Variants in MAF observed in about 807,000 individuals in gnomAD.
MAF encodes the protein MAF bZIP transcription factor.
A neutral mutation model predicts 22.0 loss-of-function variants in MAF; 10 were observed. That is an observed-to-expected ratio of 0.45 (90% CI 0.28 to 0.77). The LOEUF (loss-of-function observed/expected upper bound fraction) is 0.77. Ranked by LOEUF, MAF falls within the 30% of genes least tolerant of loss-of-function variation. The pLI is 0.12. For missense variants in MAF, 544 were observed against 548.4 expected (o/e 0.99, Z 0.08); for synonymous variants, 337 against 255.8 (o/e 1.32, Z -3.03).
At chr16:79,277,907 G>A in the MAF span, among the ~76,000 whole-genome samples, 1 of 152,254 alleles carries the variant, frequency 6.6e-6, no homozygotes, top group South Asian at 2.1e-4. Flanking sequence ...ACTACACTTG[G>A]GAATTGGCTG....
the MAF span, among the ~76,000 whole-genome samples, chr16:79,412,101 G>C: frequency 6.6e-6 from 1 of 152,142 alleles, no homozygotes; most frequent in South Asian, 2.1e-4. Flanking sequence ...AAATATATGA[G>C]GATAGTCTCA....
At chr16:79,547,895 T>A in the MAF span, among the ~76,000 whole-genome samples, 1,443 of 47,658 alleles carry the variant, frequency 0.03, 28 homozygotes, top group African/African-American at 0.089. Flanking sequence ...TGTGTGTGTG[T>A]GTGTGTGAGA....
the MAF span, among the ~76,000 whole-genome samples, chr16:79,521,130 T>A: frequency 6.6e-6 from 1 of 152,206 alleles, no homozygotes; most frequent in Non-Finnish European, 1.5e-5. Flanking sequence ...TAGACGTTGT[T>A]GAGGAGGGCA....
chr16:79,480,190 G>T, the MAF span, among the ~76,000 whole-genome samples: 1 of 152,072 alleles, frequency 6.6e-6, no homozygotes, highest in Non-Finnish European at 1.5e-5. Flanking sequence ...GTATCCACTC[G>T]TTGGAGCTAG....
the MAF span, among the ~76,000 whole-genome samples, chr16:79,286,188 T>G: frequency 6.6e-6 from 1 of 152,236 alleles, no homozygotes; most frequent in Non-Finnish European, 1.5e-5. Flanking sequence ...TAAAATACTT[T>G]TTAAATACTT....
chr16:79,551,287 G>A, the MAF span, among the ~76,000 whole-genome samples: 113 of 152,226 alleles, frequency 7.4e-4, no homozygotes, highest in African/African-American at 2.6e-3. Flanking sequence ...AAGCCAAGCA[G>A]GAAGAGGCAC....
At chr16:79,572,339 T>A in the MAF span, among the ~76,000 whole-genome samples, 1 of 152,118 alleles carries the variant, frequency 6.6e-6, no homozygotes, top group Non-Finnish European at 1.5e-5. Flanking sequence ...CAAATCCCCA[T>A]GTAGTTCTTT....
At chr16:79,389,342 A>C in the MAF span, among the ~76,000 whole-genome samples, 1 of 151,998 alleles carries the variant, frequency 6.6e-6, no homozygotes, top group African/African-American at 2.4e-5. Context: ...GTTCACTACA[A>C]CCTCTGCCTC....
chr16:79,263,442 A>G, the MAF span, among the ~76,000 whole-genome samples: 5 of 152,340 alleles, frequency 3.3e-5, no homozygotes, highest in South Asian at 2.1e-4. Context: ...TAAAAATCCA[A>G]GAGTATTTGT....
the MAF span, among the ~76,000 whole-genome samples, chr16:79,288,783 A>T: frequency 6.6e-6 from 1 of 152,046 alleles, no homozygotes; most frequent in Admixed American, 6.6e-5. Flanking sequence ...AGGCTGGAGT[A>T]TAGTGGTGCC....
At chr16:79,430,021 AC>A in the MAF span, among the ~76,000 whole-genome samples, 1 of 152,054 alleles carries the variant, frequency 6.6e-6, no homozygotes, top group Non-Finnish European at 1.5e-5. Context: ...TGGGCTGGGG[AC>A]CAAAGTCTTC....
At chr16:79,349,633 A>C in the MAF span, among the ~76,000 whole-genome samples, 1 of 152,162 alleles carries the variant, frequency 6.6e-6, no homozygotes, top group Non-Finnish European at 1.5e-5. Context: ...CTGTCTGTGC[A>C]GGAACCCAGA....
the MAF span, among the ~76,000 whole-genome samples, chr16:79,314,452 G>C: frequency 3.9e-5 from 6 of 152,194 alleles, no homozygotes; most frequent in Admixed American, 6.5e-5. Flanking sequence ...CTGGCCAGAT[G>C]TCCCATCAAA....
the MAF span, among the ~76,000 whole-genome samples, chr16:79,578,253 TTTTTA>T: frequency 2.0e-5 from 3 of 152,170 alleles, no homozygotes; most frequent in Admixed American, 6.5e-5. Context: ...AATACATTGA[TTTTTA>T]TTTTATTTTA....
the MAF span, among the ~76,000 whole-genome samples, chr16:79,564,254 C>T: frequency 6.6e-6 from 1 of 152,196 alleles, no homozygotes; most frequent in Non-Finnish European, 1.5e-5. Flanking sequence ...AGGAGTATTT[C>T]TTGGTCCTAG....
intron 1 of MAF, among the ~76,000 whole-genome samples, chr16:79,586,992 C>A (rs963999023): frequency 1.3e-5 from 2 of 152,230 alleles, no homozygotes; most frequent in African/African-American, 4.8e-5. Flanking sequence ...CAAATATGAG[C>A]TATGCTCATG....
At chr16:79,290,016 C>T in the MAF span, among the ~76,000 whole-genome samples, 7 of 152,012 alleles carry the variant, frequency 4.6e-5, no homozygotes, top group African/African-American at 1.7e-4. Context: ...GCCACCACGC[C>T]CAACTAATTT....
chr16:79,288,218 T>G, the MAF span, among the ~76,000 whole-genome samples: 1 of 152,084 alleles, frequency 6.6e-6, no homozygotes, highest in South Asian at 2.1e-4. Context: ...CATCAAGAGG[T>G]GGGGTGTGTA....
the MAF span, among the ~76,000 whole-genome samples, chr16:79,374,904 A>G: frequency 1.3e-5 from 2 of 152,220 alleles, no homozygotes; most frequent in African/African-American, 4.8e-5. Context: ...TGAACTTGAT[A>G]TAGGATCACG....
Sources: allele counts gnomAD v4.1 joint callset (sites outside exome capture counted in the v4.1 genomes callset), GRCh38; gene constraint gnomAD v4.1.1; transcripts MANE v1.5; gene names NCBI Gene and HGNC (gene_info 2026-07-23, HGNC 2026-07-21).